NCK2: variants seen among roughly 807,000 people sequenced by gnomAD.
NCK2 encodes the protein cytoplasmic protein NCK2.
In NCK2, 16 loss-of-function variants were observed where a neutral mutation model predicts 33.9. The observed-to-expected ratio is 0.47, with a 90% confidence interval of 0.32 to 0.72. NCK2 has a LOEUF of 0.72. Ranked by LOEUF, NCK2 falls within the 30% of genes least tolerant of loss-of-function variation. The pLI, the probability that NCK2 is intolerant of heterozygous loss-of-function variation, is 0.03. For missense variants in NCK2, 418 were observed against 537.3 expected, an observed-to-expected ratio of 0.78 and a Z score of 2.19; for synonymous variants, 273 against 239.9, an observed-to-expected ratio of 1.14 and a Z score of -1.27.
At position 105,835,409 on chromosome 2, in the gene NCK2, G is replaced by GTA. The variant is rs1380016345; in HGVS notation, c.-17+18810_-17+18811dup. Among the ~76,000 whole-genome samples the GTA allele has an allele frequency of 1.2e-3, 69 of 59,302 alleles. 2 individuals are homozygous for GTA. The highest frequency in any genetic ancestry group is 1.8e-3 in the South Asian group (3 of 1,668). 38.9% of individuals were successfully genotyped at this position (59,302 alleles called of 152,430 possible). Reference sequence around the variant, plus strand: ...TACACATATATATATATATATACGTGTATATATATATATATTTTTTTTTTG... The same window carrying GTA: ...TACACATATATATATATATATACGTGTATATATATATATATATTTTTTTTTTG... On this transcript the variant is annotated intron_variant, in intron 2 of 4. Coordinates refer to ENST00000233154, the MANE Select transcript of NCK2 (RefSeq NM_003581.5).
chr2:105,805,498 C>CTTTTAAAATTTCATTTAT lies in NCK2; in HGVS notation c.-200-10921_-200-10904dup, dbSNP rs1558845429. ...AAGTTAAATTTTTATAACTATTAGCCTTTTAAAATTTCATTTATTTTTAAA... is the reference window on the plus strand; with the variant it reads ...AAGTTAAATTTTTATAACTATTAGCCTTTTAAAATTTCATTTATTTTTAAAATTTCATTTATTTTTAAA... On this transcript the variant is annotated intron_variant, in intron 1 of 4. Transcript: ENST00000233154. Among the ~76,000 whole-genome samples, 5 of 152,074 alleles carry CTTTTAAAATTTCATTTAT rather than the reference C, an allele frequency of 3.3e-5. No individual in the cohort carries two copies. The South Asian group carries it at 1.0e-3, about 32-fold the overall frequency.
intron 2 of NCK2, among the ~76,000 whole-genome samples, chr2:105,849,934 C>G (rs1246759918): frequency 6.6e-6 from 1 of 152,206 alleles, no homozygotes; most frequent in Non-Finnish European, 1.5e-5. Flanking sequence ...TGTTTACAAG[C>G]TCCTCATGAG....
At chr2:105,887,629 C>A (rs992963071) in intron 4 of NCK2, among the ~76,000 whole-genome samples, 1 of 152,116 alleles carries the variant, frequency 6.6e-6, no homozygotes, top group South Asian at 2.1e-4. Flanking sequence ...GACTATTGTG[C>A]TTAGAAGAAA....
At chr2:105,804,808 C>G (rs1384401991) in intron 1 of NCK2, among the ~76,000 whole-genome samples, 1 of 152,164 alleles carries the variant, frequency 6.6e-6, no homozygotes, top group East Asian at 1.9e-4. Flanking sequence ...ATTTAAGGCT[C>G]CACGTTGATA....
intron 1 of NCK2, among the ~76,000 whole-genome samples, chr2:105,765,678 A>C (rs937965974): frequency 1.4e-5 from 2 of 142,188 alleles, no homozygotes; most frequent in Non-Finnish European, 3.1e-5. Flanking sequence ...TTTTTTTTTA[A>C]TTACTAATAT....
At chr2:105,744,523 A>T (rs1256578971), upstream of NCK2, among the ~76,000 whole-genome samples, 1 of 152,106 alleles carries the variant, frequency 6.6e-6, no homozygotes, top group African/African-American at 2.4e-5. Context: ...CCAGGCTGGA[A>T]GTTGCCGTCT....
chr2:105,788,441 G>A (rs116540218), intron 1 of NCK2, among the ~76,000 whole-genome samples: 2,865 of 152,192 alleles, frequency 0.019, 51 homozygotes, highest in Non-Finnish European at 0.022. Context: ...TATATTTATA[G>A]TCATACTCTA....
At chr2:105,753,671 G>A (rs988596609) in intron 1 of NCK2, among the ~76,000 whole-genome samples, 5 of 152,164 alleles carry the variant, frequency 3.3e-5, no homozygotes, top group Admixed American at 3.3e-4. Context: ...CCGGACTTTT[G>A]TGCTGTTGGA....
intron 4 of NCK2, among the ~76,000 whole-genome samples, chr2:105,890,345 C>T (rs1302412401): frequency 2.0e-5 from 3 of 152,294 alleles, no homozygotes; most frequent in Admixed American, 6.5e-5. Context: ...GTGTATCTTA[C>T]ATCTACCATG....
At chr2:105,884,656 C>G (rs1573249940) in intron 4 of NCK2, among the ~76,000 whole-genome samples, 1 of 152,184 alleles carries the variant, frequency 6.6e-6, no homozygotes, top group South Asian at 2.1e-4. Context: ...ACATGCTACA[C>G]TATCCACTAT....
At position 105,812,829 on chromosome 2, in the gene NCK2, T is replaced by TTC. The variant is rs11434432; in HGVS notation, c.-200-3601_-200-3600insTC. Among the ~76,000 whole-genome samples the TTC allele has an allele frequency of 8.6e-3, 1,304 of 150,788 alleles. 16 individuals carry two copies. The highest frequency in any genetic ancestry group is 0.011 in the Non-Finnish European group (773 of 67,672). On this transcript the variant is annotated intron_variant, in intron 1 of 4. Transcript: ENST00000233154. ...ATTCAACAAGGCTTTTTTTTTTTTT[T>TTC]CCCTCCTGTGCTAACATCTAAGAGA... is the stretch of plus-strand genomic sequence containing the variant.
rs544571606 is a variant in NCK2 at position 105,786,712 on chromosome 2, C to T, written c.-200-29718C>T. 3.9e-5 allele frequency among the ~76,000 whole-genome samples: 6 copies of T among 152,304 alleles called. No homozygotes were observed. The South Asian group carries it at 6.2e-4, about 16-fold the overall frequency. Reference sequence around the variant, plus strand: ...CCCGGGCAGGGCTTCCTGTCTCCATCGCTGTCTCTTATTTCTCTGCCTCCT... The same window carrying T: ...CCCGGGCAGGGCTTCCTGTCTCCATTGCTGTCTCTTATTTCTCTGCCTCCT... On this transcript the variant is annotated intron_variant, in intron 1 of 4. Coordinates refer to ENST00000233154, the MANE Select transcript of NCK2 (RefSeq NM_003581.5).
At chr2:105,845,839 A>G (rs956044943) in intron 2 of NCK2, among the ~76,000 whole-genome samples, 2 of 152,156 alleles carry the variant, frequency 1.3e-5, no homozygotes, top group African/African-American at 4.8e-5. Flanking sequence ...ACTACCTGAA[A>G]AGACCTCACT....
intron 1 of NCK2, among the ~76,000 whole-genome samples, chr2:105,809,151 A>C (rs1392071493): frequency 6.6e-6 from 1 of 152,164 alleles, no homozygotes. Flanking sequence ...GCAAGAGGAG[A>C]TACTTGGTAG....
chr2:105,784,354 C>A lies in NCK2; in HGVS notation c.-200-32076C>A, dbSNP rs114192747. 2.0e-3 allele frequency among the ~76,000 whole-genome samples: 304 copies of A among 152,346 alleles called. 1 individual carries two copies. Among genetic ancestry groups the A allele is most frequent in the African/African-American group, 6.9e-3 (286 of 41,574 alleles). On this transcript the variant is annotated intron_variant, in intron 1 of 4. Coordinates refer to ENST00000233154, the MANE Select transcript of NCK2 (RefSeq NM_003581.5). The stretch of plus-strand genomic sequence containing the variant: ...GTTTTCCCACCTGCTGATCGGACTC[C>A]TTGTGGTGGTCATATGGGCTTGGGG...
At chr2:105,812,671 A>G (rs141488640) in intron 1 of NCK2, among the ~76,000 whole-genome samples, 16 of 152,322 alleles carry the variant, frequency 1.1e-4, no homozygotes, top group African/African-American at 3.6e-4. Flanking sequence ...ATAAAAGGAA[A>G]AGGACAATTG....
At chr2:105,882,116 G>C (rs1287837884) in intron 4 of NCK2, 67 bp downstream of exon 4, 1 of 1,413,530 alleles carries the variant, frequency 7.1e-7, no homozygotes, top group African/African-American at 1.4e-5. Context: ...GGGTCTGTGT[G>C]CCGCGCCCTT....
intron 3 of NCK2, 27 bp from the exon 4 acceptor site, chr2:105,881,301 C>T: frequency 6.4e-7 from 1 of 1,559,710 alleles, no homozygotes; most frequent in Non-Finnish European, 8.6e-7. Flanking sequence ...GTGCCCTGCG[C>T]CACTGAGCCT....
chr2:105,820,736 C>T (rs1370163104), intron 2 of NCK2, among the ~76,000 whole-genome samples: 2 of 152,192 alleles, frequency 1.3e-5, no homozygotes, highest in Non-Finnish European at 2.9e-5. Flanking sequence ...ACGGAAGATG[C>T]AAAGGGCCTT....
Sources: allele counts gnomAD v4.1 joint callset (sites outside exome capture counted in the v4.1 genomes callset), GRCh38; gene constraint gnomAD v4.1.1; transcripts MANE v1.5; gene names NCBI Gene and HGNC (gene_info 2026-07-23, HGNC 2026-07-21).